Variants in IL17RC observed in about 807,000 individuals in gnomAD.
The protein encoded by IL17RC is interleukin-17 receptor C.
In IL17RC, 53 loss-of-function variants were observed where a neutral mutation model predicts 86.7. That is an observed-to-expected ratio of 0.61 (90% CI 0.49 to 0.77). IL17RC has a LOEUF of 0.77. Among genes scored for constraint, IL17RC ranks in the 30% least tolerant of loss-of-function variants. The pLI is 0.00. For missense variants in IL17RC, 957 were observed against 940.0 expected (o/e 1.02, Z -0.24); for synonymous variants, 439 against 413.1 (o/e 1.06, Z -0.76).
intron 5 of IL17RC, chr3:9,918,904 G>T: frequency 2.9e-6 from 1 of 340,090 alleles, no homozygotes; most frequent in Non-Finnish European, 5.4e-6. Flanking sequence ...ATGCTTGACT[G>T]CGAGAAATCA....
intron 16 of IL17RC, among the ~76,000 whole-genome samples, chr3:9,931,600 G>A (rs1047665449): frequency 3.0e-4 from 45 of 151,190 alleles, no homozygotes; most frequent in African/African-American, 1.0e-3. Context: ...TCTGCCTCCC[G>A]GGTTCAAGCA....
intron 1 of IL17RC, 143 bp downstream of exon 1, chr3:9,917,563 A>C: frequency 6.2e-7 from 1 of 1,614,118 alleles, no homozygotes; most frequent in South Asian, 1.1e-5. Context: ...AGAAGAGAAG[A>C]ACGGGGAAGG....
At chr3:9,922,605 A>AC (rs757065941) in intron 7 of IL17RC, among the ~76,000 whole-genome samples, 45 of 152,156 alleles carry the variant, frequency 3.0e-4, no homozygotes, top group Non-Finnish European at 5.6e-4. Flanking sequence ...AAAAAACCCG[A>AC]CCCCACGGAG....
At chr3:9,926,569 G>A (rs770079344) in intron 9 of IL17RC, among the ~76,000 whole-genome samples, 17 of 151,868 alleles carry the variant, frequency 1.1e-4, no homozygotes, top group Admixed American at 2.0e-4. Context: ...CTTTGCAAGA[G>A]CCTTGCACAT....
rs1298744281 is a variant in IL17RC, at chr3:9,932,630, C to G, written c.1410C>G (p.Leu470=). The change falls in exon 17 of 19, where the codon CTC becomes CTG. Residue 470 remains leucine (L), a synonymous_variant. Coordinates refer to ENST00000403601, the MANE Select transcript of IL17RC (RefSeq NM_153460.4). ...MDKYIHKRWA[L]VWLACLLFAA... ...CAGACATCCACAAGCGCTGGGCCCT[C>G]GTGTGGCTGGCCTGCCTACTCTTTG... 6.2e-7 allele frequency: 1 copy of G among 1,614,102 alleles called. No individual in the cohort carries two copies. Among genetic ancestry groups the G allele is most frequent in the Non-Finnish European group, 8.5e-7 (1 of 1,179,970 alleles).
intron 9 of IL17RC, 61 bp from the exon 10 acceptor site, chr3:9,928,105 A>G: frequency 6.6e-6 from 10 of 1,525,720 alleles, no homozygotes; most frequent in Non-Finnish European, 9.1e-6. Flanking sequence ...CCCACTGTCC[A>G]GCAGAGGGCC....
In IL17RC at chr3:9,917,303, T is replaced by G; in HGVS notation, c.-13T>G. 7.5e-6 allele frequency: 12 copies of G among 1,606,982 alleles called. No individual in the cohort carries two copies. Among genetic ancestry groups the G allele is most frequent in the Non-Finnish European group, 1.0e-5 (12 of 1,175,310 alleles). On this transcript the variant is annotated 5_prime_UTR_variant, in exon 1 of 19. Transcript: ENST00000403601. The stretch of plus-strand genomic sequence containing the variant: ...CAGGGCCTCAGGCCTGGGTGCCACC[T>G]GGCACCTAGAAGATGCCTGTGCCCT...
chr3:9,918,655 A>G (rs942972888), intron 5 of IL17RC, 46 bp downstream of exon 5: 6 of 1,346,144 alleles, frequency 4.5e-6, no homozygotes, highest in Non-Finnish European at 6.4e-6. Flanking sequence ...AAATCTATAA[A>G]ACTTTTTCAC....
intron 7 of IL17RC, among the ~76,000 whole-genome samples, chr3:9,921,752 G>T (rs1226543818): frequency 6.7e-6 from 1 of 149,276 alleles, no homozygotes; most frequent in Non-Finnish European, 1.5e-5. Context: ...AGCCTCCCGA[G>T]TAGCTGGGAC....
intron 1 of IL17RC, 44 bp from the exon 2 acceptor site, chr3:9,917,669 A>T: frequency 6.2e-7 from 1 of 1,613,786 alleles, no homozygotes; most frequent in Non-Finnish European, 8.5e-7. Context: ...CAGTGCCTAG[A>T]TGGTGGGGGC....
chr3:9,933,606 G>T lies in IL17RC; in HGVS notation c.*13G>T, dbSNP rs772139741. 1.5e-5 allele frequency: 24 copies of T among 1,565,626 alleles called. No individual in the cohort carries two copies. In the South Asian group the frequency reaches 2.8e-4, roughly 18 times the overall value. On this transcript the variant is annotated 3_prime_UTR_variant, in exon 19 of 19. Coordinates refer to ENST00000403601, the MANE Select transcript of IL17RC (RefSeq NM_153460.4). ...GGACGGGACTTAAATAAAGGCAGAC[G>T]CTGTTTTTCTACCCATGTGGCCCAC...
chr3:9,922,989 C>A (rs956908700), intron 7 of IL17RC, among the ~76,000 whole-genome samples: 1 of 150,644 alleles, frequency 6.6e-6, no homozygotes, highest in African/African-American at 2.4e-5. Flanking sequence ...TCCTGGCTAA[C>A]ACGGTGAAAC....
At chr3:9,925,615 A>T (rs542214921) in intron 9 of IL17RC, among the ~76,000 whole-genome samples, 2 of 151,904 alleles carry the variant, frequency 1.3e-5, no homozygotes, top group Non-Finnish European at 2.9e-5. Flanking sequence ...TCTGCCCCCA[A>T]CGGTGCCTTT....
At chr3:9,926,687 A>T (rs1462778923) in intron 9 of IL17RC, among the ~76,000 whole-genome samples, 1 of 151,300 alleles carries the variant, frequency 6.6e-6, no homozygotes. Flanking sequence ...CAGTGGCGTG[A>T]TCTCGGCTCA....
chr3:9,932,661 G>C lies in IL17RC; in HGVS notation c.1441G>C (p.Ala481Pro), dbSNP rs369783017. The C allele has an allele frequency of 1.9e-6, 3 of 1,614,082 alleles. No homozygotes were observed. Among genetic ancestry groups the C allele is most frequent in the Non-Finnish European group, 2.5e-6 (3 of 1,180,038 alleles). ...VWLACLLFAA[A>P]LSLILLLKKD... ...GCTGGCCTGCCTACTCTTTGCCGCTGCGCTTTCCCTCATCCTCCTTCTCAA... is the reference window on the plus strand; with the variant it reads ...GCTGGCCTGCCTACTCTTTGCCGCTCCGCTTTCCCTCATCCTCCTTCTCAA... The change falls in exon 17 of 19, where the codon GCG (alanine) becomes CCG (proline). Residue 481 changes from alanine (A) to proline (P), a missense_variant. Coordinates refer to ENST00000403601, the MANE Select transcript of IL17RC (RefSeq NM_153460.4).
chr3:9,932,949 G>A lies in IL17RC; in HGVS notation c.1523-4G>A, dbSNP rs753233303. 4 of 1,608,576 alleles carry A rather than the reference G, an allele frequency of 2.5e-6. No homozygotes were observed. The highest frequency in any genetic ancestry group is 3.4e-6 in the Non-Finnish European group (4 of 1,178,674). On this transcript the variant is annotated splice_polypyrimidine_tract_variant and splice_region_variant and intron_variant, in intron 18 of 18. Coordinates refer to ENST00000403601, the MANE Select transcript of IL17RC (RefSeq NM_153460.4). ...CTTCCCTCCCCATCTGTTTTCTCCGGCAGCGGCCGCCAGGGGCCGCGCGGC... is the reference window on the plus strand; with the variant it reads ...CTTCCCTCCCCATCTGTTTTCTCCGACAGCGGCCGCCAGGGGCCGCGCGGC...
chr3:9,917,794 C>T, intron 2 of IL17RC, 60 bp downstream of exon 2: 1 of 1,609,680 alleles, frequency 6.2e-7, no homozygotes. Context: ...CAGAGCTGTC[C>T]CAGGCCCATG....
rs1439528769 is a variant in IL17RC, at chr3:9,933,380, G to A, written c.1950G>A (p.Val650=). The change falls in exon 19 of 19, where the codon GTG becomes GTA. Residue 650 remains valine (V), a synonymous_variant. Coordinates refer to ENST00000403601, the MANE Select transcript of IL17RC (RefSeq NM_153460.4). ...CCGTACCCGCCCTTTTCCGCACCGT[G>A]CCCGTCTTCACACTGCCCTCCCAAC... ...PDAVPALFRT[V]PVFTLPSQLP... is the part of the protein sequence containing the mutation. The A allele has an allele frequency of 5.0e-6, 8 of 1,612,994 alleles. No homozygotes were observed. The highest frequency in any genetic ancestry group is 1.7e-5 in the Admixed American group (1 of 59,972).
intron 7 of IL17RC, among the ~76,000 whole-genome samples, 191 bp downstream of exon 7, chr3:9,921,160 A>G (rs2083511785): frequency 6.6e-6 from 1 of 152,232 alleles, no homozygotes; most frequent in Non-Finnish European, 1.5e-5. Context: ...TGGAAATAGA[A>G]AGATGAATCT....
Sources: allele counts gnomAD v4.1 joint callset (sites outside exome capture counted in the v4.1 genomes callset), GRCh38; gene constraint gnomAD v4.1.1; transcripts MANE v1.5; gene names NCBI Gene and HGNC (gene_info 2026-07-23, HGNC 2026-07-21).